The following GOLIM4 variants were observed in gnomAD, a reference collection of about 807,000 sequenced individuals.
GOLIM4 encodes 130 kDa golgi-localized phosphoprotein.
In GOLIM4, 71 loss-of-function variants were observed where a neutral mutation model predicts 107.4. The ratio of observed to expected loss-of-function variants is 0.66; its 90% CI spans 0.55 to 0.81. The LOEUF (loss-of-function observed/expected upper bound fraction) is 0.81, where lower values mean the gene tolerates loss of function less well. Among genes scored for constraint, GOLIM4 ranks in the 30% least tolerant of loss-of-function variants. GOLIM4 has a pLI of 0.00. For synonymous variants in GOLIM4, 327 were observed against 294.8 expected, an observed-to-expected ratio of 1.11 and a Z score of -1.12; for missense variants, 830 against 826.1, an observed-to-expected ratio of 1.00 and a Z score of -0.06.
chr3:168,045,699 C>T (rs1719260313), intron 3 of GOLIM4, among the ~76,000 whole-genome samples: 1 of 152,124 alleles, frequency 6.6e-6, no homozygotes, highest in Non-Finnish European at 1.5e-5. Context: ...CACAAGTATA[C>T]ACTCATGCAT....
intron 1 of GOLIM4, among the ~76,000 whole-genome samples, chr3:168,072,725 C>T (rs1240551234): frequency 1.3e-5 from 2 of 151,838 alleles, no homozygotes; most frequent in Admixed American, 1.3e-4. Context: ...CTTTCAAGTC[C>T]ACAGAAAAAT....
In GOLIM4 at chr3:168,024,482, T is replaced by C. The variant is rs997562293; in HGVS notation, c.1860+44A>G. The C allele has an allele frequency of 2.3e-6, 3 of 1,294,198 alleles. No individual in the cohort carries two copies. In the African/African-American group the frequency reaches 4.3e-5, roughly 19 times the overall value. The allele number at this position is 1,294,198 out of a possible 1,614,324, so 80.2% of individuals were successfully genotyped here. ...GAGGTTTGTTTAAGGTTAGTGTGTG[T>C]GACAGACCAATCTGATCAGTCTCTG... On this transcript the variant is annotated intron_variant, in intron 14 of 15. Coordinates refer to ENST00000470487, the MANE Select transcript of GOLIM4 (RefSeq NM_014498.5).
rs537331709 is a variant in GOLIM4, at chr3:168,094,246, C to T, written c.187+853G>A. Reference sequence around the variant, plus strand: ...AAGTAAATTATGTTTGTGAAAATTACATTAAATTAGATTCTAAAATAGGAT... The same window carrying T: ...AAGTAAATTATGTTTGTGAAAATTATATTAAATTAGATTCTAAAATAGGAT... On this transcript the variant is annotated intron_variant, in intron 1 of 15. Coordinates refer to ENST00000470487, the MANE Select transcript of GOLIM4 (RefSeq NM_014498.5). 5.1e-4 allele frequency among the ~76,000 whole-genome samples: 77 copies of T among 152,278 alleles called. 1 individual carries two copies. Among genetic ancestry groups the T allele is most frequent in the African/African-American group, 1.8e-3 (74 of 41,548 alleles).
At chr3:168,053,303 A>T (rs1476893052) in intron 1 of GOLIM4, among the ~76,000 whole-genome samples, 1 of 152,222 alleles carries the variant, frequency 6.6e-6, no homozygotes. Context: ...AAGTGTTTTG[A>T]CATCTTAAAC....
Position 168,095,222 on chromosome 3 carries a change from C to A in GOLIM4, c.64G>T (p.Val22Phe). ...RIFQTLLLLT[V>F]VFGFLYGAML... ...GCGCCGTAGAGAAAGCCGAACACGA[C>A]GGTCAGCAGCAGCAGCGTCTGGAAA... is the stretch of plus-strand genomic sequence containing the variant. Residue 22 changes from valine to phenylalanine, a missense_variant, in exon 1 of 16, where the codon GTC becomes TTC. By Grantham distance (50) the Val-to-Phe change is conservative. Transcript: ENST00000470487. The A allele has an allele frequency of 6.2e-7, 1 of 1,613,664 alleles. No individual in the cohort carries two copies. The highest frequency in any genetic ancestry group is 8.5e-7 in the Non-Finnish European group (1 of 1,179,974).
intron 1 of GOLIM4, among the ~76,000 whole-genome samples, chr3:168,060,048 C>A (rs1346501152): frequency 6.6e-6 from 1 of 151,836 alleles, no homozygotes; most frequent in Non-Finnish European, 1.5e-5. Context: ...GGTCACAGAG[C>A]CCACTGAGAA....
chr3:168,047,226 A>C (rs1221965819), intron 2 of GOLIM4, among the ~76,000 whole-genome samples: 1 of 152,212 alleles, frequency 6.6e-6, no homozygotes, highest in Non-Finnish European at 1.5e-5. Context: ...CATCCACAAA[A>C]TCCAAATTAT....
At chr3:168,065,443 A>C (rs1480116045) in intron 1 of GOLIM4, among the ~76,000 whole-genome samples, 1 of 152,164 alleles carries the variant, frequency 6.6e-6, no homozygotes, top group Non-Finnish European at 1.5e-5. Context: ...TTATACATAA[A>C]CTAAGACCCT....
At chr3:168,033,922 A>G (rs1309623623) in intron 8 of GOLIM4, among the ~76,000 whole-genome samples, 1 of 152,212 alleles carries the variant, frequency 6.6e-6, no homozygotes, top group African/African-American at 2.4e-5. Flanking sequence ...TGAGGAAGAA[A>G]GAGAATATAG....
chr3:168,031,336 C>T (rs1334324505), intron 9 of GOLIM4, among the ~76,000 whole-genome samples: 1 of 151,972 alleles, frequency 6.6e-6, no homozygotes, highest in East Asian at 1.9e-4. Flanking sequence ...TTTGAATGCT[C>T]CCAAAATAAA....
At chr3:168,021,579 T>C (rs1031395242) in intron 14 of GOLIM4, among the ~76,000 whole-genome samples, 1 of 151,974 alleles carries the variant, frequency 6.6e-6, no homozygotes, top group African/African-American at 2.4e-5. Context: ...GGCAGGAGAA[T>C]TGCTTGAACC....
Position 168,024,551 on chromosome 3 carries a change from T to C in GOLIM4, c.1835A>G (p.Gln612Arg). 1 of 1,613,386 alleles carries C rather than the reference T, an allele frequency of 6.2e-7. No individual in the cohort carries two copies. Among genetic ancestry groups the C allele is most frequent in the Non-Finnish European group, 8.5e-7 (1 of 1,179,310 alleles). Residue 612 changes from glutamine to arginine, a missense_variant, in exon 14 of 16, where the codon CAG (glutamine) becomes CGG (arginine). Transcript: ENST00000470487. ...CTCCTCTTCTGCCTCTTCCTGGTACTGTTCATCAACATTGTCCTCCTGCTG... is the reference window on the plus strand; with the variant it reads ...CTCCTCTTCTGCCTCTTCCTGGTACCGTTCATCAACATTGTCCTCCTGCTG... ...PDQQEDNVDE[Q>R]YQEEAEEEVQ...
At chr3:168,013,630 A>G (rs1717190077) in intron 14 of GOLIM4, among the ~76,000 whole-genome samples, 1 of 149,358 alleles carries the variant, frequency 6.7e-6, no homozygotes, top group Non-Finnish European at 1.5e-5. Context: ...AATTGACCAC[A>G]TACTGGGAAG....
chr3:168,023,820 C>T (rs1717843281), intron 14 of GOLIM4, among the ~76,000 whole-genome samples: 1 of 152,170 alleles, frequency 6.6e-6, no homozygotes, highest in Admixed American at 6.5e-5. Context: ...GCAGCATTCA[C>T]CAATTACACC....
chr3:168,087,715 G>A (rs1242145039), intron 1 of GOLIM4, among the ~76,000 whole-genome samples: 1 of 152,124 alleles, frequency 6.6e-6, no homozygotes, highest in Non-Finnish European at 1.5e-5. Context: ...TATGGAAAAA[G>A]TTACATTAGG....
chr3:168,061,615 T>A (rs1004861429), intron 1 of GOLIM4, among the ~76,000 whole-genome samples: 2 of 152,194 alleles, frequency 1.3e-5, no homozygotes, highest in African/African-American at 4.8e-5. Flanking sequence ...AAAATATCAT[T>A]CAGCAATGTG....
intron 1 of GOLIM4, among the ~76,000 whole-genome samples, chr3:168,084,957 TAAAAA>T (rs879791386): frequency 1.4e-5 from 2 of 145,792 alleles, no homozygotes; most frequent in South Asian, 2.2e-4. Flanking sequence ...ACATGGAAAT[TAAAAA>T]AAAAAAAATG....
chr3:168,092,726 T>C (rs950389904), intron 1 of GOLIM4, among the ~76,000 whole-genome samples: 5 of 152,164 alleles, frequency 3.3e-5, no homozygotes, highest in Admixed American at 6.5e-5. Flanking sequence ...TTGAGTAAAA[T>C]GTCATTTGTC....
At chr3:168,073,000 G>A (rs151050624) in intron 1 of GOLIM4, among the ~76,000 whole-genome samples, 4 of 152,192 alleles carry the variant, frequency 2.6e-5, no homozygotes, top group Non-Finnish European at 5.9e-5. Flanking sequence ...TAATACTTAC[G>A]TAGACCAGGC....
Sources: allele counts gnomAD v4.1 joint callset (sites outside exome capture counted in the v4.1 genomes callset), GRCh38; gene constraint gnomAD v4.1.1; transcripts MANE v1.5; gene names NCBI Gene and HGNC (gene_info 2026-07-23, HGNC 2026-07-21).